Variants in DOCK1 observed in about 807,000 individuals in gnomAD.
DOCK1 encodes the protein dedicator of cytokinesis protein 1.
In DOCK1, 138 loss-of-function variants were observed where a neutral mutation model predicts 262.7. The observed-to-expected ratio is 0.53, with a 90% CI of 0.46 to 0.61. DOCK1 has a LOEUF of 0.61. DOCK1 is among the 20% of genes least tolerant of loss of function. The pLI is 0.00. For missense variants in DOCK1, 1,908 were observed against 2,370.7 expected (o/e 0.80, Z 4.05); for synonymous variants, 866 against 867.4 (o/e 1.00, Z 0.03).
At chr10:126,948,710 C>T (rs1364468823) in intron 1 of DOCK1, among the ~76,000 whole-genome samples, 6 of 151,976 alleles carry the variant, frequency 3.9e-5, no homozygotes, top group Non-Finnish European at 5.9e-5. Context: ...GCCTGTGATG[C>T]GGGCGCCCAG....
intron 13 of DOCK1, among the ~76,000 whole-genome samples, chr10:127,022,884 A>G (rs2275535): frequency 0.4 from 60,896 of 151,952 alleles, 12,454 homozygotes; most frequent in African/African-American, 0.48. Context: ...GCCATGGGTC[A>G]TGGATGCCAT....
intron 26 of DOCK1, among the ~76,000 whole-genome samples, chr10:127,126,741 C>T (rs186740054): frequency 6.6e-6 from 1 of 152,250 alleles, no homozygotes; most frequent in Non-Finnish European, 1.5e-5. Flanking sequence ...TGCCCCTAGC[C>T]CTGGACAGAG....
chr10:127,394,097 T>C (rs1331376010), intron 38 of DOCK1, among the ~76,000 whole-genome samples: 1 of 152,166 alleles, frequency 6.6e-6, no homozygotes, highest in Non-Finnish European at 1.5e-5. Flanking sequence ...TTACCAGGCT[T>C]CTCTGTGGAG....
intron 29 of DOCK1, among the ~76,000 whole-genome samples, chr10:127,310,211 G>A (rs1176724457): frequency 6.6e-6 from 1 of 152,022 alleles, no homozygotes; most frequent in African/African-American, 2.4e-5. Flanking sequence ...GGTGAGAATC[G>A]GACCTGGGAT....
At chr10:127,021,289 C>T (rs533047844) in intron 13 of DOCK1, among the ~76,000 whole-genome samples, 171 of 152,200 alleles carry the variant, frequency 1.1e-3, no homozygotes, top group African/African-American at 3.9e-3. Context: ...CCTGAGCCTC[C>T]GGAGTAGCTG....
intron 38 of DOCK1, among the ~76,000 whole-genome samples, chr10:127,399,100 A>T (rs531290829): frequency 2.0e-5 from 3 of 152,338 alleles, no homozygotes; most frequent in South Asian, 4.1e-4. Flanking sequence ...GGGGGAAAGC[A>T]GGGTGGGGAG....
chr10:127,301,546 C>T (rs1304525513), intron 29 of DOCK1, among the ~76,000 whole-genome samples: 3 of 152,140 alleles, frequency 2.0e-5, no homozygotes, highest in African/African-American at 7.2e-5. Flanking sequence ...GCTGTGTGGT[C>T]ACCGGTGAAT....
intron 51 of DOCK1, among the ~76,000 whole-genome samples, chr10:127,449,178 C>T (rs1219997870): frequency 1.3e-5 from 2 of 152,154 alleles, no homozygotes; most frequent in Admixed American, 6.5e-5. Context: ...GAAATGGAAG[C>T]CGGACCTTCC....
chr10:127,143,897 G>A (rs755372031), intron 27 of DOCK1, among the ~76,000 whole-genome samples: 24 of 152,118 alleles, frequency 1.6e-4, no homozygotes, highest in Admixed American at 5.9e-4. Context: ...TGGAAATCCA[G>A]CATGTCCAGA....
chr10:127,401,795 C>G (rs553062733), intron 38 of DOCK1, among the ~76,000 whole-genome samples: 1 of 152,338 alleles, frequency 6.6e-6, no homozygotes, highest in East Asian at 1.9e-4. Flanking sequence ...CAGCCCTCTC[C>G]TGCCCCGCTC....
intron 24 of DOCK1, 119 bp from the exon 25 acceptor site, chr10:127,110,129 G>A (rs1392622147): frequency 1.3e-6 from 1 of 774,428 alleles, no homozygotes; most frequent in Non-Finnish European, 2.2e-6. Context: ...ATGAGAGGCT[G>A]TGTTGAACAT....
At chr10:127,424,896 T>C (rs1291528507) in intron 46 of DOCK1, among the ~76,000 whole-genome samples, 1 of 152,180 alleles carries the variant, frequency 6.6e-6, no homozygotes, top group Non-Finnish European at 1.5e-5. Flanking sequence ...AGAGCGCTGC[T>C]ACTCCCTCCT....
intron 29 of DOCK1, among the ~76,000 whole-genome samples, chr10:127,331,750 C>G (rs1031995565): frequency 1.3e-5 from 2 of 152,116 alleles, no homozygotes; most frequent in African/African-American, 4.8e-5. Flanking sequence ...CAACATTTTT[C>G]ACAGTTGCGA....
At chr10:127,285,810 A>G (rs2061130857) in intron 29 of DOCK1, among the ~76,000 whole-genome samples, 1 of 152,104 alleles carries the variant, frequency 6.6e-6, no homozygotes, top group Non-Finnish European at 1.5e-5. Context: ...CTGCTTGACG[A>G]CCTGTTATGT....
At chr10:127,271,281 C>G (rs1238510777) in intron 29 of DOCK1, among the ~76,000 whole-genome samples, 1 of 152,054 alleles carries the variant, frequency 6.6e-6, no homozygotes, top group Non-Finnish European at 1.5e-5. Flanking sequence ...CACGAAATGC[C>G]GTTTAAAAAA....
At chr10:127,328,679 G>A (rs535806391) in intron 29 of DOCK1, among the ~76,000 whole-genome samples, 31 of 152,326 alleles carry the variant, frequency 2.0e-4, no homozygotes, top group Admixed American at 8.5e-4. Context: ...TCTGGTTGTC[G>A]TGATTGGGCG....
chr10:127,138,065 A>G lies in DOCK1; in HGVS notation c.2847+10301A>G, dbSNP rs766752310. ...AAGACTTTAGCATTTGATCTTTTCC[A>G]TATGAAGATCCCTCTTAGTGTCAGC... On this transcript the variant is annotated intron_variant, in intron 27 of 51. Coordinates refer to ENST00000623213, the MANE Select transcript of DOCK1 (RefSeq NM_001290223.2). The G allele has an allele frequency of 1.2e-5, 19 of 1,520,974 alleles. 1 individual carries two copies. In the South Asian group the frequency reaches 2.0e-4, roughly 16 times the overall value. The allele number at this position is 1,520,974 out of a possible 1,614,324, so 94.2% of individuals were successfully genotyped here.
chr10:127,276,869 G>T (rs1261712831), intron 29 of DOCK1, among the ~76,000 whole-genome samples: 2 of 135,738 alleles, frequency 1.5e-5, no homozygotes, highest in Admixed American at 7.1e-5. Flanking sequence ...TCCTATTGCT[G>T]ACTTTACCTT....
intron 29 of DOCK1, among the ~76,000 whole-genome samples, chr10:127,286,129 T>C (rs2061145934): frequency 6.6e-6 from 1 of 152,172 alleles, no homozygotes; most frequent in Admixed American, 6.5e-5. Flanking sequence ...TGAATCGTGT[T>C]CATTTCCAGG....
Sources: allele counts gnomAD v4.1 joint callset (sites outside exome capture counted in the v4.1 genomes callset), GRCh38; gene constraint gnomAD v4.1.1; transcripts MANE v1.5; gene names NCBI Gene and HGNC (gene_info 2026-07-23, HGNC 2026-07-21).